MAD1L1: variants seen among roughly 807,000 people sequenced by gnomAD.
MAD1L1 encodes the protein mitotic spindle assembly checkpoint protein MAD1.
Under a neutral mutation model 96.9 loss-of-function variants are expected in MAD1L1, and 95 were observed. That is an observed-to-expected ratio of 0.98 (90% CI 0.83 to 1.16). The LOEUF (loss-of-function observed/expected upper bound fraction) is 1.16, where lower values mean the gene tolerates loss of function less well. Among genes scored for constraint, MAD1L1 ranks in the 50% most tolerant of loss-of-function variants. The pLI is 0.00. For synonymous variants in MAD1L1, 473 were observed against 396.6 expected, an observed-to-expected ratio of 1.19 and a Z score of -2.29; for missense variants, 1,007 against 954.4, an observed-to-expected ratio of 1.06 and a Z score of -0.73.
intron 11 of MAD1L1, among the ~76,000 whole-genome samples, chr7:2,081,695 G>A (rs563205717): frequency 5.3e-5 from 8 of 152,336 alleles, no homozygotes; most frequent in Middle Eastern, 6.8e-3. Flanking sequence ...TCCAGCCCCC[G>A]TGGTCGGCGG....
chr7:1,980,428 T>C (rs1651494035), intron 15 of MAD1L1, 25 bp downstream of exon 15: 1 of 1,598,762 alleles, frequency 6.3e-7, no homozygotes, highest in Non-Finnish European at 8.5e-7. Context: ...CCTGGGCGTG[T>C]CCGCCTCCTC....
At chr7:1,868,930 G>A (rs1487169040) in intron 18 of MAD1L1, among the ~76,000 whole-genome samples, 1 of 152,144 alleles carries the variant, frequency 6.6e-6, no homozygotes, top group African/African-American at 2.4e-5. Flanking sequence ...CGGAAGCGCC[G>A]CCTCACCGCG....
At chr7:1,904,305 T>C (rs1199331705) in intron 17 of MAD1L1, among the ~76,000 whole-genome samples, 54 of 146,134 alleles carry the variant, frequency 3.7e-4, no homozygotes, top group Admixed American at 9.5e-4. Context: ...GAAGACGCTC[T>C]TGCGGAACTC....
At chr7:1,869,878 AG>A (rs1764250108) in intron 18 of MAD1L1, among the ~76,000 whole-genome samples, 1 of 152,182 alleles carries the variant, frequency 6.6e-6, no homozygotes, top group South Asian at 2.1e-4. Flanking sequence ...CTGCTGACGG[AG>A]GACCCAGGCT....
intron 18 of MAD1L1, among the ~76,000 whole-genome samples, chr7:1,829,837 T>A (rs34373690): frequency 0.45 from 67,659 of 151,386 alleles, 15,198 homozygotes; most frequent in African/African-American, 0.47. Context: ...GAGGAAGAAA[T>A]GACAACTGAC....
intron 15 of MAD1L1, among the ~76,000 whole-genome samples, chr7:1,962,457 T>C (rs542745825): frequency 1.3e-5 from 2 of 152,102 alleles, no homozygotes; most frequent in South Asian, 2.1e-4. Context: ...CATTGAAAAA[T>C]TGGACTTTAT....
chr7:1,995,343 G>T (rs568314909), intron 14 of MAD1L1, among the ~76,000 whole-genome samples: 1 of 152,278 alleles, frequency 6.6e-6, no homozygotes, highest in East Asian at 1.9e-4. Context: ...TTCTCACCCA[G>T]AATCACTTCC....
chr7:1,933,378 G>A (rs1157147585), intron 17 of MAD1L1, among the ~76,000 whole-genome samples: 1 of 152,162 alleles, frequency 6.6e-6, no homozygotes, highest in Non-Finnish European at 1.5e-5. Context: ...AGCCTACAGG[G>A]TCACACCTGC....
chr7:2,132,078 C>G lies in MAD1L1; in HGVS notation c.1073+17074G>C, dbSNP rs964737127. On this transcript the variant is annotated intron_variant, in intron 11 of 18. Transcript: ENST00000265854. ...TGACTCAGGAGGAAGCTGGCCCCAACTGCATTTTGTCTCAATCTGACCCCT... is the reference window on the plus strand; with the variant it reads ...TGACTCAGGAGGAAGCTGGCCCCAAGTGCATTTTGTCTCAATCTGACCCCT... Among the ~76,000 whole-genome samples the G allele has an allele frequency of 8.5e-5, 13 of 152,234 alleles. 1 individual carries two copies. The highest frequency in any genetic ancestry group is 7.8e-4 in the Admixed American group (12 of 15,288).
intron 17 of MAD1L1, among the ~76,000 whole-genome samples, chr7:1,915,282 G>C (rs150388615): frequency 1.7e-4 from 26 of 152,324 alleles, no homozygotes; most frequent in African/African-American, 6.3e-4. Context: ...TGGAGCGGAA[G>C]TGCTACAGAG....
chr7:2,025,578 T>C (rs1354764039), intron 12 of MAD1L1, among the ~76,000 whole-genome samples: 3 of 152,208 alleles, frequency 2.0e-5, no homozygotes, highest in African/African-American at 7.2e-5. Flanking sequence ...GAAAAACGAT[T>C]GCAGATGGAT....
At chr7:1,959,618 A>G (rs1037969451) in intron 15 of MAD1L1, among the ~76,000 whole-genome samples, 3 of 152,226 alleles carry the variant, frequency 2.0e-5, no homozygotes, top group Admixed American at 2.0e-4. Context: ...CTCATGAGAA[A>G]CAGTGCAACG....
intron 10 of MAD1L1, among the ~76,000 whole-genome samples, chr7:2,151,152 T>G (rs1447970999): frequency 6.6e-6 from 1 of 152,248 alleles, no homozygotes. Flanking sequence ...CCAAGAGATA[T>G]TTTTTCTGAA....
chr7:2,045,827 T>C (rs1193693846), intron 12 of MAD1L1, among the ~76,000 whole-genome samples: 1 of 152,124 alleles, frequency 6.6e-6, no homozygotes, highest in Non-Finnish European at 1.5e-5. Flanking sequence ...TCCCAGGCCT[T>C]CCCTAAGCCT....
intron 11 of MAD1L1, among the ~76,000 whole-genome samples, chr7:2,077,737 A>G (rs1425248595): frequency 6.6e-6 from 1 of 152,226 alleles, no homozygotes; most frequent in Non-Finnish European, 1.5e-5. Flanking sequence ...AGCAGAGGAC[A>G]GGCTCCAGCC....
chr7:2,078,469 C>T (rs1202516655), intron 11 of MAD1L1, among the ~76,000 whole-genome samples: 3 of 152,222 alleles, frequency 2.0e-5, no homozygotes, highest in East Asian at 1.9e-4. Flanking sequence ...ACGGGGCCTC[C>T]GCGGCTGAGC....
At chr7:1,930,893 T>C (rs1209779110) in intron 17 of MAD1L1, among the ~76,000 whole-genome samples, 1 of 152,126 alleles carries the variant, frequency 6.6e-6, no homozygotes, top group Non-Finnish European at 1.5e-5. Context: ...CCCTAACCCA[T>C]GCTCAGGGCC....
At chr7:1,960,364 C>T (rs1298383843) in intron 15 of MAD1L1, among the ~76,000 whole-genome samples, 2 of 151,858 alleles carry the variant, frequency 1.3e-5, no homozygotes, top group Non-Finnish European at 2.9e-5. Flanking sequence ...AGCCTAACTA[C>T]CACAATTAAA....
At chr7:1,909,289 C>A (rs1387970965) in intron 17 of MAD1L1, among the ~76,000 whole-genome samples, 1 of 152,224 alleles carries the variant, frequency 6.6e-6, no homozygotes, top group Non-Finnish European at 1.5e-5. Flanking sequence ...GTACTCTGGG[C>A]CCTGGCAGGC....
Sources: allele counts gnomAD v4.1 joint callset (sites outside exome capture counted in the v4.1 genomes callset), GRCh38; gene constraint gnomAD v4.1.1; transcripts MANE v1.5; gene names NCBI Gene and HGNC (gene_info 2026-07-23, HGNC 2026-07-21).